WDSUB1: variants seen among roughly 807,000 people sequenced by gnomAD.
The protein encoded by WDSUB1 is WD repeat, sterile alpha motif and U-box domain containing 1, also known as WD repeat, SAM and U-box domain-containing protein 1.
Under a neutral mutation model 53.9 loss-of-function variants are expected in WDSUB1, and 49 were observed. The observed-to-expected ratio is 0.91, with a 90% CI of 0.72 to 1.15. WDSUB1 has a LOEUF of 1.15. Among genes scored for constraint, WDSUB1 ranks in the 50% most tolerant of loss-of-function variants. The pLI is 0.00. For missense variants in WDSUB1, 514 were observed against 562.0 expected (o/e 0.91, Z 0.86); for synonymous variants, 194 against 200.6 (o/e 0.97, Z 0.28).
At chr2:159,249,328 T>TTAAC (rs925252970) in intron 9 of WDSUB1, among the ~76,000 whole-genome samples, 11 of 152,356 alleles carry the variant, frequency 7.2e-5, no homozygotes, top group African/African-American at 2.6e-4. Flanking sequence ...GTTTTTATTC[T>TTAAC]TAACTTTAAA....
chr2:159,250,088 CA>C (rs374038625), intron 9 of WDSUB1, among the ~76,000 whole-genome samples: 154 of 83,538 alleles, frequency 1.8e-3, no homozygotes, highest in Admixed American at 0.014. Flanking sequence ...GACTCTGCCT[CA>C]AAAAAAAAAA....
intron 3 of WDSUB1, among the ~76,000 whole-genome samples, chr2:159,276,251 G>A (rs868141846): frequency 8.6e-5 from 13 of 152,034 alleles, no homozygotes; most frequent in East Asian, 3.9e-4. Flanking sequence ...TAGTAGAGAC[G>A]GGGTTTCCCC....
At chr2:159,273,608 C>G (rs1234424791) in intron 4 of WDSUB1, among the ~76,000 whole-genome samples, 1 of 151,998 alleles carries the variant, frequency 6.6e-6, no homozygotes, top group Non-Finnish European at 1.5e-5. Context: ...TTTGTCAAGA[C>G]AGGGTTTCAC....
intron 10 of WDSUB1, among the ~76,000 whole-genome samples, chr2:159,246,682 C>A (rs1478679382): frequency 6.6e-6 from 1 of 152,132 alleles, no homozygotes; most frequent in Non-Finnish European, 1.5e-5. Context: ...AGACAAAGAT[C>A]TGTACATAAA....
In WDSUB1 at chr2:159,282,828, C is replaced by A. The variant is rs766103129; in HGVS notation, c.242G>T (p.Trp81Leu). 1 of 1,614,206 alleles carries A rather than the reference C, an allele frequency of 6.2e-7. No individual in the cohort carries two copies. Among genetic ancestry groups the A allele is most frequent in the South Asian group, 1.1e-5 (1 of 91,084 alleles). Residue 81 changes from tryptophan (W) to leucine (L), a missense_variant, in exon 2 of 11, where the codon TGG becomes TTG. By Grantham distance (61) the Trp-to-Leu change is moderately conservative. Transcript: ENST00000359774. ...CAGCATCTGTCCATTTTCAGTATTCCATAGGACAGTGGTACCATCTGTTGA... is the reference window on the plus strand; with the variant it reads ...CAGCATCTGTCCATTTTCAGTATTCAATAGGACAGTGGTACCATCTGTTGA... ...SCSTDGTTVL[W>L]NTENGQMLAV...
intron 3 of WDSUB1, among the ~76,000 whole-genome samples, chr2:159,279,463 T>C (rs143755438): frequency 2.6e-3 from 395 of 152,278 alleles, no homozygotes; most frequent in African/African-American, 8.6e-3. Context: ...AATTGCCATA[T>C]CCAAGGAATC....
chr2:159,237,830 A>G (rs1180558640), intron 10 of WDSUB1, among the ~76,000 whole-genome samples: 2 of 152,274 alleles, frequency 1.3e-5, no homozygotes, highest in Non-Finnish European at 2.9e-5. Flanking sequence ...ACCCCAAGAA[A>G]ACCATACACA....
intron 5 of WDSUB1, among the ~76,000 whole-genome samples, chr2:159,264,879 T>C (rs2061304265): frequency 6.6e-6 from 1 of 151,756 alleles, no homozygotes; most frequent in Admixed American, 6.6e-5. Context: ...AGGTCAGGAG[T>C]TCGAGACCAG....
Position 159,257,797 on chromosome 2 carries a change from C to T in WDSUB1, c.913G>A (p.Val305Met), listed in dbSNP as rs139910347. The T allele has an allele frequency of 3.0e-4, 477 of 1,614,194 alleles. 1 individual carries two copies. The highest frequency in any genetic ancestry group is 3.9e-4 in the Non-Finnish European group (457 of 1,180,026). The change falls in exon 8 of 11, where the codon GTG (valine) becomes ATG (methionine). Residue 305 changes from valine to methionine, a missense_variant. Transcript: ENST00000359774. ...LLATGSMDKT[V>M]NIWQFDLETL... is the part of the protein sequence containing the mutation. ...TCCAGGTCAAATTGCCAGATGTTCA[C>T]TGTTTTGTCCATTGAACCAGTAGCA...
intron 5 of WDSUB1, 64 bp downstream of exon 5, chr2:159,271,638 T>G: frequency 7.2e-7 from 1 of 1,380,486 alleles, no homozygotes; most frequent in Non-Finnish European, 1.0e-6. Context: ...TTTCATGTAC[T>G]TTTCCGTGTG....
At chr2:159,245,551 A>G (rs1241296685) in intron 10 of WDSUB1, among the ~76,000 whole-genome samples, 1 of 150,646 alleles carries the variant, frequency 6.6e-6, no homozygotes, top group Non-Finnish European at 1.5e-5. Context: ...AAAAAAGACT[A>G]TAAAGCTACA....
At chr2:159,236,479 AGAAAG>A (rs2060485269) in intron 10 of WDSUB1, among the ~76,000 whole-genome samples, 1 of 152,204 alleles carries the variant, frequency 6.6e-6, no homozygotes, top group Non-Finnish European at 1.5e-5. Context: ...GTGGAAGAGA[AGAAAG>A]GAACAGAGCT....
intron 4 of WDSUB1, among the ~76,000 whole-genome samples, chr2:159,274,220 C>G (rs112367023): frequency 6.6e-6 from 1 of 152,108 alleles, no homozygotes; most frequent in Non-Finnish European, 1.5e-5. Context: ...CACCCCAAGA[C>G]TGGCCAAGCG....
At chr2:159,254,336 G>C (rs1313040843) in intron 9 of WDSUB1, among the ~76,000 whole-genome samples, 1 of 152,134 alleles carries the variant, frequency 6.6e-6, no homozygotes, top group East Asian at 1.9e-4. Context: ...GAGCTGGGAG[G>C]GTCACTTAAG....
intron 2 of WDSUB1, among the ~76,000 whole-genome samples, chr2:159,281,131 G>A (rs1203609489): frequency 6.6e-6 from 1 of 152,228 alleles, no homozygotes; most frequent in African/African-American, 2.4e-5. Context: ...TCTAAAAGAT[G>A]TTGGGAGACA....
intron 9 of WDSUB1, among the ~76,000 whole-genome samples, chr2:159,255,063 G>A (rs139635913): frequency 8.5e-4 from 129 of 152,214 alleles, no homozygotes; most frequent in African/African-American, 3.0e-3. Context: ...CTGGGAGGTC[G>A]AGGCTGTAGT....
At chr2:159,247,253 C>T (rs905132901) in intron 10 of WDSUB1, among the ~76,000 whole-genome samples, 4 of 152,032 alleles carry the variant, frequency 2.6e-5, no homozygotes, top group Non-Finnish European at 5.9e-5. Context: ...GAACTCATAA[C>T]GATAAGACAC....
At chr2:159,247,616 A>T (rs1454004041) in intron 10 of WDSUB1, among the ~76,000 whole-genome samples, 2 of 151,902 alleles carry the variant, frequency 1.3e-5, no homozygotes, top group Non-Finnish European at 2.9e-5. Context: ...AACATCCTCA[A>T]ATTGACTAAT....
intron 9 of WDSUB1, among the ~76,000 whole-genome samples, chr2:159,254,847 G>C (rs2061026280): frequency 6.6e-6 from 1 of 152,064 alleles, no homozygotes. Flanking sequence ...ATTACAGAGA[G>C]ATGCTGGGTG....
Sources: allele counts gnomAD v4.1 joint callset (sites outside exome capture counted in the v4.1 genomes callset), GRCh38; gene constraint gnomAD v4.1.1; transcripts MANE v1.5; gene names NCBI Gene and HGNC (gene_info 2026-07-23, HGNC 2026-07-21).